The following GRAMD1C variants were observed in gnomAD, a reference collection of about 807,000 sequenced individuals.
GRAMD1C encodes GRAM domain containing 1C, also known as protein Aster-C.
A neutral mutation model predicts 97.8 loss-of-function variants in GRAMD1C; 89 were observed. That is an observed-to-expected ratio of 0.91 (90% CI 0.77 to 1.09). GRAMD1C has a LOEUF of 1.09. Ranked by LOEUF, GRAMD1C falls within the 50% of genes least tolerant of loss-of-function variation. The pLI, the probability that GRAMD1C is intolerant of heterozygous loss-of-function variation, is 0.00. For missense variants in GRAMD1C, 740 were observed against 766.4 expected (o/e 0.97, Z 0.41); for synonymous variants, 256 against 267.0 (o/e 0.96, Z 0.40).
intron 7 of GRAMD1C, among the ~76,000 whole-genome samples, chr3:113,903,840 T>A (rs1013647886): frequency 6.6e-6 from 1 of 151,914 alleles, no homozygotes; most frequent in African/African-American, 2.4e-5. Context: ...ACAAATGAAA[T>A]TTAAAGGAGC....
chr3:113,943,356 A>G (rs1240410721), intron 17 of GRAMD1C, among the ~76,000 whole-genome samples: 2 of 152,218 alleles, frequency 1.3e-5, no homozygotes, highest in Non-Finnish European at 1.5e-5. Context: ...ACATACAATA[A>G]AAGTTTTTAT....
At chr3:113,879,883 G>A (rs1157904259) in intron 5 of GRAMD1C, among the ~76,000 whole-genome samples, 3 of 151,806 alleles carry the variant, frequency 2.0e-5, no homozygotes, top group Middle Eastern at 3.4e-3. Context: ...TAGTAGAGAC[G>A]GGGTTTCACC....
chr3:113,944,390 A>G (rs1937964648), intron 17 of GRAMD1C, among the ~76,000 whole-genome samples: 1 of 152,128 alleles, frequency 6.6e-6, no homozygotes, highest in African/African-American at 2.4e-5. Context: ...AGGGGACACA[A>G]ATGTTCAGAT....
chr3:113,936,648 ATATTT>A, intron 14 of GRAMD1C: 1 of 406,744 alleles, frequency 2.5e-6, no homozygotes. Flanking sequence ...TATAACCAAT[ATATTT>A]TATTTGGCCC....
At chr3:113,915,671 C>G in intron 9 of GRAMD1C, 30 bp from the exon 10 acceptor site, 4 of 1,578,418 alleles carry the variant, frequency 2.5e-6, no homozygotes, top group Non-Finnish European at 3.5e-6. Context: ...TTGATTTCTT[C>G]TCTTTTGGTT....
chr3:113,872,713 A>T (rs1934870883), intron 3 of GRAMD1C, among the ~76,000 whole-genome samples: 1 of 151,608 alleles, frequency 6.6e-6, no homozygotes, highest in Non-Finnish European at 1.5e-5. Context: ...ATTAAAAAAA[A>T]ATCAATTGTA....
At chr3:113,885,697 T>C in intron 6 of GRAMD1C, 1 of 1,525,268 alleles carries the variant, frequency 6.6e-7, no homozygotes. Flanking sequence ...ACAGAAAGCA[T>C]GGAGATCTAT....
chr3:113,886,055 T>C lies in GRAMD1C; in HGVS notation c.540+3223T>C, dbSNP rs368117445. 1.9e-4 allele frequency: 75 copies of C among 387,882 alleles called. No homozygotes were observed. The African/African-American group carries it at 4.5e-3, about 23-fold the overall frequency. The allele number at this position is 387,882 out of a possible 1,614,324, so 24.0% of individuals were successfully genotyped here. A position where few individuals can be genotyped will look rare whatever the true frequency, so the allele number is the denominator to read the frequency against. On this transcript the variant is annotated intron_variant, in intron 6 of 17. Coordinates refer to ENST00000358160, the MANE Select transcript of GRAMD1C (RefSeq NM_017577.5). ...GACAGCTAATCCCCCTCCACTTGGG[T>C]TGGGGTGGGGGGGCGGGGGGGAAAG...
chr3:113,923,786 G>A (rs1937142913), intron 10 of GRAMD1C, among the ~76,000 whole-genome samples: 1 of 152,044 alleles, frequency 6.6e-6, no homozygotes, highest in African/African-American at 2.4e-5. Context: ...AATGATGCTG[G>A]CCTCATAGAA....
At chr3:113,909,202 G>A in intron 9 of GRAMD1C, 82 bp downstream of exon 9, 1 of 633,748 alleles carries the variant, frequency 1.6e-6, no homozygotes, top group Non-Finnish European at 2.5e-6. Flanking sequence ...TGCAGATTGA[G>A]AATTTAGTTT....
intron 1 of GRAMD1C, among the ~76,000 whole-genome samples, chr3:113,842,136 T>C (rs988612427): frequency 9.2e-5 from 14 of 152,274 alleles, no homozygotes; most frequent in Non-Finnish European, 1.0e-4. Flanking sequence ...GTGGAGTATT[T>C]AGGCAAAGGT....
intron 17 of GRAMD1C, 128 bp from the exon 18 acceptor site, chr3:113,945,270 T>C (rs940943668): frequency 3.1e-6 from 2 of 647,860 alleles, no homozygotes; most frequent in African/African-American, 3.7e-5. Context: ...GTATTTAACG[T>C]TTTATTTGGG....
At chr3:113,866,051 T>C (rs1934573843) in intron 2 of GRAMD1C, among the ~76,000 whole-genome samples, 1 of 152,238 alleles carries the variant, frequency 6.6e-6, no homozygotes, top group Non-Finnish European at 1.5e-5. Flanking sequence ...AAAATGTGTA[T>C]TTTGCAGTTG....
chr3:113,881,213 G>A (rs1267362628), intron 5 of GRAMD1C, among the ~76,000 whole-genome samples: 3 of 152,154 alleles, frequency 2.0e-5, no homozygotes, highest in East Asian at 1.9e-4. Flanking sequence ...GGAATGCAGT[G>A]GCGCGATCCT....
chr3:113,905,129 C>T (rs1038164753), intron 8 of GRAMD1C, among the ~76,000 whole-genome samples: 9 of 152,282 alleles, frequency 5.9e-5, no homozygotes, highest in African/African-American at 1.4e-4. Flanking sequence ...CCAGCATGCC[C>T]GGCCAACACT....
intron 6 of GRAMD1C, among the ~76,000 whole-genome samples, chr3:113,894,899 G>T (rs1184372414): frequency 1.3e-5 from 2 of 152,074 alleles, no homozygotes; most frequent in Non-Finnish European, 2.9e-5. Flanking sequence ...CTTCTATTTT[G>T]GGAATCACTA....
chr3:113,879,882 C>T (rs891059389), intron 5 of GRAMD1C, among the ~76,000 whole-genome samples: 2 of 151,760 alleles, frequency 1.3e-5, no homozygotes, highest in African/African-American at 4.8e-5. Flanking sequence ...TTAGTAGAGA[C>T]GGGGTTTCAC....
intron 8 of GRAMD1C, among the ~76,000 whole-genome samples, 163 bp from the exon 9 acceptor site, chr3:113,908,795 G>A (rs193189152): frequency 4.6e-5 from 7 of 152,166 alleles, no homozygotes; most frequent in South Asian, 4.2e-4. Context: ...TTTACGGACC[G>A]ACATTTAATA....
intron 9 of GRAMD1C, chr3:113,913,233 A>C: frequency 5.8e-6 from 3 of 515,934 alleles, no homozygotes; most frequent in Middle Eastern, 3.5e-4. Context: ...GGTCCTTCCA[A>C]AGTAGTTTCA....
Sources: gnomAD v4.1 joint callset for allele counts (sites outside exome capture counted in the v4.1 genomes callset) on GRCh38, gnomAD v4.1.1 for gene constraint, MANE v1.5 for transcripts, NCBI Gene and HGNC (gene_info 2026-07-23, HGNC 2026-07-21) for gene names.